The following ENPP4 variants were observed in gnomAD, a reference collection of about 807,000 sequenced individuals.
ENPP4 encodes bis(5'-adenosyl)-triphosphatase ENPP4.
ENPP4 carries 18 observed loss-of-function variants against 33.4 expected under a neutral mutation model. The observed-to-expected ratio is 0.54, with a 90% confidence interval of 0.37 to 0.80. The LOEUF (loss-of-function observed/expected upper bound fraction) is 0.80, where lower values mean the gene tolerates loss of function less well. Among genes scored for constraint, ENPP4 ranks in the 30% least tolerant of loss-of-function variants. The probability of loss-of-function intolerance (pLI) is 0.00; values close to 1 mark genes in which losing one functional copy is unlikely to be tolerated. For missense variants in ENPP4, 480 were observed against 541.7 expected (o/e 0.89, Z 1.13); for synonymous variants, 172 against 189.9 (o/e 0.91, Z 0.78).
chr6:46,135,868 A>G (rs574236451), intron 1 of ENPP4, among the ~76,000 whole-genome samples: 3 of 152,042 alleles, frequency 2.0e-5, no homozygotes, highest in Non-Finnish European at 2.9e-5. Flanking sequence ...CAGGGCTTCA[A>G]TTTCTTTTGC....
intron 1 of ENPP4, among the ~76,000 whole-genome samples, chr6:46,137,722 T>A (rs1482092462): frequency 6.6e-6 from 1 of 151,804 alleles, no homozygotes; most frequent in Non-Finnish European, 1.5e-5. Context: ...TAGTTTTGGT[T>A]ATTAGGGAGC....
In ENPP4 at chr6:46,145,951, TGA is replaced by T. The variant is rs879258902; in HGVS notation, c.*2314_*2315del. ...AAAGCCATTGACTCCTTTAGTACAC[TGA>T]GAAAAATCTTATAGTAAAACTAGCC... On this transcript the variant is annotated 3_prime_UTR_variant, in exon 4 of 4. Coordinates refer to ENST00000321037, the MANE Select transcript of ENPP4 (RefSeq NM_014936.5). The T allele has an allele frequency of 9.2e-5, 14 of 151,992 alleles. No homozygotes were observed. Among genetic ancestry groups the T allele is most frequent in the Admixed American group, 8.5e-4 (13 of 15,216 alleles). 9.4% of individuals were successfully genotyped at this position (151,992 alleles called of 1,614,324 possible). A position where few individuals can be genotyped will look rare whatever the true frequency, so the allele number is the denominator to read the frequency against.
Position 46,141,037 on chromosome 6 carries a change from C to G in ENPP4, c.827-15C>G. 2 of 1,504,228 alleles carry G rather than the reference C, an allele frequency of 1.3e-6. No homozygotes were observed. The highest frequency in any genetic ancestry group is 1.8e-6 in the Non-Finnish European group (2 of 1,119,090). 93.2% of individuals were successfully genotyped at this position (1,504,228 alleles called of 1,614,324 possible). On this transcript the variant is annotated splice_polypyrimidine_tract_variant and intron_variant, in intron 2 of 3. Coordinates refer to ENST00000321037, the MANE Select transcript of ENPP4 (RefSeq NM_014936.5). ...TCATAACTTGTTTCCTTTGCTGTTT[C>G]TTTTTTTTTCTCAGATAGAACAGAG...
At position 46,143,711 on chromosome 6, in the gene ENPP4, T is replaced by C. The variant is rs1764103825; in HGVS notation, c.*71T>C. The C allele has an allele frequency of 2.2e-6, 3 of 1,379,498 alleles. No homozygotes were observed. Among genetic ancestry groups the C allele is most frequent in the Non-Finnish European group, 3.0e-6 (3 of 1,012,224 alleles). 85.5% of individuals were successfully genotyped at this position (1,379,498 alleles called of 1,614,324 possible). The stretch of plus-strand genomic sequence containing the variant: ...TAAGAATACATCCAAAGAATAGTGT[T>C]GTAACTATGAAAAAGAATACTTTGA... On this transcript the variant is annotated 3_prime_UTR_variant, in exon 4 of 4. Coordinates refer to ENST00000321037, the MANE Select transcript of ENPP4 (RefSeq NM_014936.5).
rs1031061903 is a variant in ENPP4, at chr6:46,145,627, T to C, written c.*1987T>C. The C allele has an allele frequency of 6.6e-6, 1 of 151,776 alleles. No homozygotes were observed. The highest frequency in any genetic ancestry group is 1.5e-5 in the Non-Finnish European group (1 of 67,808). 9.4% of individuals were successfully genotyped at this position (151,776 alleles called of 1,614,324 possible). A position where few individuals can be genotyped will look rare whatever the true frequency, so the allele number is the denominator to read the frequency against. On this transcript the variant is annotated 3_prime_UTR_variant, in exon 4 of 4. Coordinates refer to ENST00000321037, the MANE Select transcript of ENPP4 (RefSeq NM_014936.5). ...AATGGTGTGAGTTTTAATGATTGCA[T>C]TATCGTGATTGGTGGTTATGAGTTT...
rs1247823623 is a variant in ENPP4 at position 46,139,537 on chromosome 6, T to G, written c.-33-14T>G. On this transcript the variant is annotated splice_polypyrimidine_tract_variant and intron_variant, in intron 1 of 3. Coordinates refer to ENST00000321037, the MANE Select transcript of ENPP4 (RefSeq NM_014936.5). Reference sequence around the variant, plus strand: ...ATAGAATTACTACTTATGAGTTGTGTTTTTACATTTTAGGAACCCTGATTG... The same window carrying G: ...ATAGAATTACTACTTATGAGTTGTGGTTTTACATTTTAGGAACCCTGATTG... 1 of 1,030,392 alleles carries G rather than the reference T, an allele frequency of 9.7e-7. No homozygotes were observed. 63.8% of individuals were successfully genotyped at this position (1,030,392 alleles called of 1,614,324 possible). A position where few individuals can be genotyped will look rare whatever the true frequency, so the allele number is the denominator to read the frequency against.
intron 3 of ENPP4, among the ~76,000 whole-genome samples, chr6:46,142,352 A>ATATAATATATATAATGTATATTATATAT (rs1562061015): frequency 9.8e-5 from 8 of 81,896 alleles, no homozygotes; most frequent in African/African-American, 2.9e-4. Context: ...ATTATATGTA[A>ATATAATATATATAATGTATATTATATAT]TATATATAAT....
intron 1 of ENPP4, among the ~76,000 whole-genome samples, chr6:46,137,454 T>G (rs1763993633): frequency 6.6e-6 from 1 of 151,808 alleles, no homozygotes; most frequent in Admixed American, 6.6e-5. Context: ...GTTCTAAAAT[T>G]GTAGCAACCC....
At chr6:46,142,254 T>C (rs1014394183) in intron 3 of ENPP4, among the ~76,000 whole-genome samples, 7 of 63,978 alleles carry the variant, frequency 1.1e-4, no homozygotes, top group Non-Finnish European at 1.8e-4. Flanking sequence ...CAAATGTTAA[T>C]TGTGGACATT....
At chr6:46,142,810 C>T (rs1562061184) in intron 3 of ENPP4, among the ~76,000 whole-genome samples, 1 of 151,722 alleles carries the variant, frequency 6.6e-6, no homozygotes, top group Non-Finnish European at 1.5e-5. Flanking sequence ...ACAACACATT[C>T]AACGCAAGAT....
intron 1 of ENPP4, among the ~76,000 whole-genome samples, chr6:46,134,069 A>G (rs959957660): frequency 6.6e-6 from 1 of 152,188 alleles, no homozygotes; most frequent in African/African-American, 2.4e-5. Context: ...ATATGCGAAG[A>G]GATGAGACTA....
intron 1 of ENPP4, among the ~76,000 whole-genome samples, chr6:46,139,325 C>T (rs111887549): frequency 3.3e-5 from 5 of 151,346 alleles, no homozygotes; most frequent in African/African-American, 1.2e-4. Flanking sequence ...TAAAAATGGC[C>T]CATATGAAGG....
rs1219837271 is a variant in ENPP4, at chr6:46,146,385, C to CT, written c.*2748dup. The CT allele has an allele frequency of 1.3e-5, 2 of 152,170 alleles. No individual in the cohort carries two copies. Among genetic ancestry groups the CT allele is most frequent in the Non-Finnish European group, 2.9e-5 (2 of 67,804 alleles). 9.4% of individuals were successfully genotyped at this position (152,170 alleles called of 1,614,324 possible). On this transcript the variant is annotated 3_prime_UTR_variant, in exon 4 of 4. Coordinates refer to ENST00000321037, the MANE Select transcript of ENPP4 (RefSeq NM_014936.5). ...CCTTCTTGTGCCCATATCTGATAAG[C>CT]TTTATGGATTATTGCATTTAATTCC...
At chr6:46,138,583 C>T (rs1342807589) in intron 1 of ENPP4, among the ~76,000 whole-genome samples, 3 of 151,820 alleles carry the variant, frequency 2.0e-5, no homozygotes, top group African/African-American at 7.2e-5. Flanking sequence ...CGGCAACTCT[C>T]TTCACCTCCA....
chr6:46,141,373 A>G, intron 3 of ENPP4, 151 bp downstream of exon 3: 2 of 569,924 alleles, frequency 3.5e-6, no homozygotes. Context: ...TCTTCATTTA[A>G]TAGCAATTTA....
chr6:46,139,416 A>T, intron 1 of ENPP4, 135 bp from the exon 2 acceptor site: 1 of 528,532 alleles, frequency 1.9e-6, no homozygotes. Context: ...ATTTTTAAAT[A>T]AATGGTATTA....
chr6:46,130,086 T>C lies in ENPP4; in HGVS notation c.-137T>C, dbSNP rs1044728543. The C allele has an allele frequency of 6.8e-6, 1 of 146,108 alleles. No individual in the cohort carries two copies. Among genetic ancestry groups the C allele is most frequent in the Non-Finnish European group, 1.5e-5 (1 of 66,546 alleles). 9.1% of individuals were successfully genotyped at this position (146,108 alleles called of 1,614,324 possible). On this transcript the variant is annotated 5_prime_UTR_variant, in exon 1 of 4. Transcript: ENST00000321037. Reference sequence around the variant, plus strand: ...CAGGCGCCTCAGGAAGAGCTCGGCATCGCCCCTCTTCCTCCAGGTCCCCCT... The same window carrying C: ...CAGGCGCCTCAGGAAGAGCTCGGCACCGCCCCTCTTCCTCCAGGTCCCCCT...
chr6:46,137,595 G>A (rs1478538502), intron 1 of ENPP4, among the ~76,000 whole-genome samples: 1 of 151,892 alleles, frequency 6.6e-6, no homozygotes, highest in Non-Finnish European at 1.5e-5. Flanking sequence ...ATTCTTGATA[G>A]CTGAAATTGC....
At position 46,141,030 on chromosome 6, in the gene ENPP4, G is replaced by T; in HGVS notation, c.827-22G>T. 3.3e-6 allele frequency: 5 copies of T among 1,509,358 alleles called. No homozygotes were observed. The South Asian group carries it at 3.8e-5, about 11-fold the overall frequency. 93.5% of individuals were successfully genotyped at this position (1,509,358 alleles called of 1,614,324 possible). ...TTATCAATCATAACTTGTTTCCTTT[G>T]CTGTTTCTTTTTTTTTCTCAGATAG... On this transcript the variant is annotated intron_variant, in intron 2 of 3. Transcript: ENST00000321037.
Sources: gnomAD v4.1 joint callset for allele counts (sites outside exome capture counted in the v4.1 genomes callset) on GRCh38, gnomAD v4.1.1 for gene constraint, MANE v1.5 for transcripts, NCBI Gene and HGNC (gene_info 2026-07-23, HGNC 2026-07-21) for gene names.